SLIT2: variants seen among roughly 807,000 people sequenced by gnomAD.
SLIT2 encodes the protein slit guidance ligand 2.
SLIT2 carries 41 observed loss-of-function variants against 185.7 expected under a neutral mutation model. The ratio of observed to expected loss-of-function variants is 0.22; its 90% CI spans 0.17 to 0.29. The LOEUF is 0.29. Among genes scored for constraint, SLIT2 ranks in the 10% least tolerant of loss-of-function variants. SLIT2 has a pLI of 1.00. For synonymous variants in SLIT2, 693 were observed against 680.2 expected, an observed-to-expected ratio of 1.02 and a Z score of -0.29; for missense variants, 1,571 against 1,909.0, an observed-to-expected ratio of 0.82 and a Z score of 3.30.
chr4:20,314,246 CAATT>C (rs1431468419), intron 4 of SLIT2, among the ~76,000 whole-genome samples: 5 of 152,054 alleles, frequency 3.3e-5, no homozygotes, highest in Admixed American at 1.3e-4. Context: ...GAAATATAAA[CAATT>C]AATGAAACGA....
rs1715298388 is a variant in SLIT2 at position 20,472,348 on chromosome 4, A to ATC, written c.467+4526_467+4527insCT. 2.8e-4 allele frequency among the ~76,000 whole-genome samples: 22 copies of ATC among 78,860 alleles called. 2 individuals are homozygous for ATC. Among genetic ancestry groups the ATC allele is most frequent in the Non-Finnish European group, 3.4e-4 (15 of 44,220 alleles). The allele number at this position is 78,860 out of a possible 152,430, so 51.7% of individuals were successfully genotyped here. ...TATCTATATATAGATCTATATATAGATATAGATATCTATATAGATATCTAT... is the reference window on the plus strand; with the variant it reads ...TATCTATATATAGATCTATATATAGATCTATAGATATCTATATAGATATCTAT... On this transcript the variant is annotated intron_variant, in intron 5 of 36. Transcript: ENST00000504154.
intron 4 of SLIT2, among the ~76,000 whole-genome samples, chr4:20,270,009 C>T (rs2109030700): frequency 6.6e-6 from 1 of 152,054 alleles, no homozygotes; most frequent in South Asian, 2.1e-4. Flanking sequence ...AATCACCTGA[C>T]ATTTTTCTCT....
chr4:20,554,043 C>T, intron 26 of SLIT2, 75 bp downstream of exon 26: 1 of 1,233,138 alleles, frequency 8.1e-7, no homozygotes, highest in South Asian at 1.5e-5. Context: ...AACCAATTGT[C>T]AATCCAAAGG....
chr4:20,481,941 C>A (rs1577748774), intron 6 of SLIT2, among the ~76,000 whole-genome samples: 1 of 152,086 alleles, frequency 6.6e-6, no homozygotes, highest in East Asian at 1.9e-4. Flanking sequence ...GGAGAGGCCA[C>A]CTTTGTTTCT....
chr4:20,533,672 G>A lies in SLIT2; in HGVS notation c.1789G>A (p.Val597Met), dbSNP rs145094041. The A allele has an allele frequency of 2.1e-4, 344 of 1,613,866 alleles. No individual in the cohort carries two copies. The highest frequency in any genetic ancestry group is 1.8e-3 in the Middle Eastern group (11 of 6,062). The change falls in exon 18 of 37, where the codon GTG (valine) becomes ATG (methionine). Residue 597 changes from valine (V) to methionine (M), a missense_variant. By Grantham distance (21) the Val-to-Met change is conservative. Transcript: ENST00000504154. ...ILLTSNRLEN[V>M]QHKMFKGLES... is the part of the protein sequence containing the mutation. ...TCTTACGAGTAATCGTTTGGAAAATGTGCAGCATAAGATGTTCAAGGGATT... is the reference window on the plus strand; with the variant it reads ...TCTTACGAGTAATCGTTTGGAAAATATGCAGCATAAGATGTTCAAGGGATT...
At chr4:20,587,037 T>C (rs1727121674) in intron 29 of SLIT2, among the ~76,000 whole-genome samples, 1 of 152,034 alleles carries the variant, frequency 6.6e-6, no homozygotes, top group Non-Finnish European at 1.5e-5. Context: ...AAATCTTTTT[T>C]TTTTTTTGAC....
At chr4:20,542,705 ATCTTTACAATCT>A in intron 21 of SLIT2, 79 bp downstream of exon 21, 1 of 1,370,020 alleles carries the variant, frequency 7.3e-7, no homozygotes, top group Non-Finnish European at 1.0e-6. Flanking sequence ...ATGGACAAAA[ATCTTTACAATCT>A]TCTTTACAAA....
rs1717055181 is a variant in SLIT2, at chr4:20,484,861, C to G, written c.540-1339C>G. 6.6e-6 allele frequency among the ~76,000 whole-genome samples: 1 copy of G among 152,154 alleles called. No homozygotes were observed. Among genetic ancestry groups the G allele is most frequent in the South Asian group, 2.1e-4 (1 of 4,836 alleles). Reference sequence around the variant, plus strand: ...TCTGCCACAAGAGAGACTATCATTGCTAGCTTACCATATTCTTCACATTCC... The same window carrying G: ...TCTGCCACAAGAGAGACTATCATTGGTAGCTTACCATATTCTTCACATTCC... On this transcript the variant is annotated intron_variant, in intron 6 of 36. Transcript: ENST00000504154. This position sits in a 1 kb window ranked among gnomAD's most constrained non-coding sequence, Gnocchi z 4.3.
chr4:20,456,608 G>T (rs1263785641), intron 4 of SLIT2, among the ~76,000 whole-genome samples: 1 of 152,088 alleles, frequency 6.6e-6, no homozygotes, highest in African/African-American at 2.4e-5. Flanking sequence ...TCATTTTGAT[G>T]AGAAAAATAG....
chr4:20,530,100 T>G lies in SLIT2; in HGVS notation c.1613+1001T>G, dbSNP rs543495865. Among the ~76,000 whole-genome samples, 4 of 112,940 alleles carry G rather than the reference T, an allele frequency of 3.5e-5. No individual in the cohort carries two copies. The East Asian group carries it at 1.1e-3, about 31-fold the overall frequency. 74.1% of individuals were successfully genotyped at this position (112,940 alleles called of 152,430 possible). ...CCCACTATCTTGTAGTTATAGTGAT[T>G]TTTTTTTTTTTACTCCTATTAGTTG... On this transcript the variant is annotated intron_variant, in intron 16 of 36. Coordinates refer to ENST00000504154, the MANE Select transcript of SLIT2 (RefSeq NM_004787.4).
At chr4:20,573,693 T>G (rs973126281) in intron 29 of SLIT2, among the ~76,000 whole-genome samples, 6 of 152,134 alleles carry the variant, frequency 3.9e-5, no homozygotes, top group African/African-American at 1.4e-4. Flanking sequence ...CCCATAACTT[T>G]AAGCAAATAT....
At chr4:20,479,864 T>TA (rs1716513892) in intron 5 of SLIT2, among the ~76,000 whole-genome samples, 1 of 152,208 alleles carries the variant, frequency 6.6e-6, no homozygotes, top group Admixed American at 6.5e-5. Context: ...ATTTCACTGA[T>TA]ACAGCTTTTA....
At chr4:20,448,449 T>C (rs183472284) in intron 4 of SLIT2, among the ~76,000 whole-genome samples, 4 of 151,908 alleles carry the variant, frequency 2.6e-5, no homozygotes, top group African/African-American at 7.3e-5. Context: ...GCCTCCCAAG[T>C]GGCTGGGATT....
intron 33 of SLIT2, among the ~76,000 whole-genome samples, chr4:20,600,926 A>T (rs984448655): frequency 2.0e-5 from 3 of 151,284 alleles, no homozygotes; most frequent in Non-Finnish European, 2.9e-5. Context: ...TAAATATAGA[A>T]TATTATTTTT....
At chr4:20,491,688 G>A (rs904187634) in intron 8 of SLIT2, 73 bp from the exon 9 acceptor site, 1 of 1,288,960 alleles carries the variant, frequency 7.8e-7, no homozygotes, top group Non-Finnish European at 1.1e-6. Flanking sequence ...TTTGTTACTT[G>A]AGCTAAGTTT....
chr4:20,491,701 C>T (rs1717794238), intron 8 of SLIT2, 60 bp from the exon 9 acceptor site: 2 of 1,456,056 alleles, frequency 1.4e-6, no homozygotes, highest in Non-Finnish European at 1.9e-6. Flanking sequence ...CTAAGTTTGT[C>T]TGTTTCACAA....
intron 4 of SLIT2, among the ~76,000 whole-genome samples, chr4:20,440,524 G>A (rs1354863824): frequency 1.3e-5 from 2 of 151,554 alleles, no homozygotes; most frequent in Non-Finnish European, 2.9e-5. Context: ...TGATATATAC[G>A]GCCCTAAAAA....
intron 16 of SLIT2, among the ~76,000 whole-genome samples, chr4:20,531,263 A>G (rs929257202): frequency 2.6e-5 from 4 of 152,246 alleles, no homozygotes; most frequent in African/African-American, 9.6e-5. Context: ...CAAATGTGTC[A>G]TGCCTGTGTA....
intron 4 of SLIT2, among the ~76,000 whole-genome samples, chr4:20,452,202 A>T (rs564099737): frequency 9.8e-5 from 15 of 152,294 alleles, no homozygotes; most frequent in African/African-American, 3.6e-4. Context: ...AGCCAGAGCA[A>T]ATCCAGCCTG....
Sources: gnomAD v4.1 joint callset for allele counts (sites outside exome capture counted in the v4.1 genomes callset) on GRCh38, gnomAD v4.1.1 for gene constraint, Gnocchi (gnomAD v3.1) non-coding constraint, MANE v1.5 for transcripts, NCBI Gene and HGNC (gene_info 2026-07-23, HGNC 2026-07-21) for gene names.